The following CPNE4 variants were observed in gnomAD, a reference collection of about 807,000 sequenced individuals.
The protein encoded by CPNE4 is copine 4.
A neutral mutation model predicts 67.9 loss-of-function variants in CPNE4; 25 were observed. The observed-to-expected ratio is 0.37, with a 90% CI of 0.27 to 0.51. CPNE4 has a LOEUF of 0.51. Ranked by LOEUF, CPNE4 falls within the 20% of genes least tolerant of loss-of-function variation. The pLI, the probability that CPNE4 is intolerant of heterozygous loss-of-function variation, is 0.93. For missense variants in CPNE4, 464 were observed against 690.8 expected, an observed-to-expected ratio of 0.67 and a Z score of 3.68; for synonymous variants, 242 against 244.9, an observed-to-expected ratio of 0.99 and a Z score of 0.11.
At chr3:131,702,977 T>A (rs1164214769) in intron 3 of CPNE4, among the ~76,000 whole-genome samples, 1 of 152,172 alleles carries the variant, frequency 6.6e-6, no homozygotes, top group African/African-American at 2.4e-5. Flanking sequence ...TGAGTAATAA[T>A]CAGGGTTTTG....
intron 2 of CPNE4, among the ~76,000 whole-genome samples, chr3:131,871,861 C>T (rs1373290287): frequency 6.6e-6 from 1 of 152,200 alleles, no homozygotes; most frequent in Admixed American, 6.5e-5. Flanking sequence ...TCCTCCTGGG[C>T]ATTCAGAATC....
At chr3:131,584,454 G>A (rs540794212) in intron 8 of CPNE4, among the ~76,000 whole-genome samples, 1 of 152,040 alleles carries the variant, frequency 6.6e-6, no homozygotes, top group East Asian at 1.9e-4. Context: ...CTATATCCAA[G>A]CCTTCAACAA....
chr3:131,576,393 G>A (rs1937548143), intron 9 of CPNE4, among the ~76,000 whole-genome samples: 1 of 152,066 alleles, frequency 6.6e-6, no homozygotes, highest in Non-Finnish European at 1.5e-5. Flanking sequence ...AACTCTAAGA[G>A]CAACTCATGG....
In CPNE4 at chr3:131,571,364, A is replaced by G. The variant is rs149317913; in HGVS notation, c.927+3707T>C. 5.8e-3 allele frequency among the ~76,000 whole-genome samples: 880 copies of G among 152,066 alleles called. 12 individuals carry two copies. Among genetic ancestry groups the G allele is most frequent in the African/African-American group, 0.018 (741 of 41,494 alleles). On this transcript the variant is annotated intron_variant, in intron 10 of 15. Coordinates refer to ENST00000429747, the MANE Select transcript of CPNE4 (RefSeq NM_130808.3). ...CTTGGGACATCTCATCCAAAGCCAC[A>G]TACATGTAGCTCCTGACTCTCCCCT...
intron 14 of CPNE4, among the ~76,000 whole-genome samples, chr3:131,543,796 C>T (rs993309716): frequency 6.6e-6 from 1 of 152,220 alleles, no homozygotes; most frequent in Non-Finnish European, 1.5e-5. Flanking sequence ...GTTGCAGTCT[C>T]TCCCTCTGAA....
At chr3:131,575,362 T>C (rs1937525832) in intron 9 of CPNE4, among the ~76,000 whole-genome samples, 1 of 152,164 alleles carries the variant, frequency 6.6e-6, no homozygotes, top group Non-Finnish European at 1.5e-5. Context: ...TGCTCCCCTC[T>C]ATTATGGTTT....
At chr3:131,886,165 G>C (rs570623273) in intron 2 of CPNE4, among the ~76,000 whole-genome samples, 1 of 152,230 alleles carries the variant, frequency 6.6e-6, no homozygotes. Context: ...AAGCTGAGCC[G>C]TGTGCAGCCT....
intron 1 of CPNE4, among the ~76,000 whole-genome samples, chr3:131,935,087 T>C (rs1308481194): frequency 6.6e-6 from 1 of 152,166 alleles, no homozygotes; most frequent in Non-Finnish European, 1.5e-5. Context: ...TTGGCATTAC[T>C]GAGGGCCCAG....
intron 1 of CPNE4, among the ~76,000 whole-genome samples, chr3:131,964,464 T>C (rs1447463929): frequency 3.9e-5 from 6 of 151,936 alleles, no homozygotes; most frequent in African/African-American, 1.2e-4. Flanking sequence ...CCAAGGAAGC[T>C]AAGAACCTTG....
intron 10 of CPNE4, among the ~76,000 whole-genome samples, chr3:131,568,499 T>C (rs1937173315): frequency 6.6e-6 from 1 of 152,044 alleles, no homozygotes; most frequent in African/African-American, 2.4e-5. Context: ...CACCACGTTT[T>C]CATTTCCTGA....
At chr3:131,939,751 C>A (rs74910984) in intron 1 of CPNE4, among the ~76,000 whole-genome samples, 1,587 of 152,208 alleles carry the variant, frequency 0.01, 27 homozygotes, top group African/African-American at 0.036. Flanking sequence ...TATTTTATCC[C>A]CACAGTTCAT....
intron 1 of CPNE4, among the ~76,000 whole-genome samples, chr3:131,955,418 T>TG (rs2071926371): frequency 8.3e-6 from 1 of 121,146 alleles, no homozygotes; most frequent in African/African-American, 3.4e-5. Context: ...AGGTTTTTTT[T>TG]TTTTTTTTTT....
intron 7 of CPNE4, among the ~76,000 whole-genome samples, chr3:131,669,123 C>T (rs1030409543): frequency 6.6e-6 from 1 of 152,046 alleles, no homozygotes; most frequent in Non-Finnish European, 1.5e-5. Context: ...ATGATGAGAG[C>T]CATATGGCCC....
intron 7 of CPNE4, among the ~76,000 whole-genome samples, chr3:131,603,212 G>A (rs1939305767): frequency 6.6e-6 from 1 of 152,084 alleles, no homozygotes; most frequent in Non-Finnish European, 1.5e-5. Context: ...GTTGGGAAAT[G>A]ATATATGTGC....
chr3:131,632,362 C>G (rs977761805), intron 7 of CPNE4, among the ~76,000 whole-genome samples: 1 of 152,170 alleles, frequency 6.6e-6, no homozygotes. Context: ...TTACCTTCAG[C>G]TTATGAGGGA....
At chr3:131,834,385 A>T (rs2085481291) in intron 2 of CPNE4, among the ~76,000 whole-genome samples, 1 of 152,182 alleles carries the variant, frequency 6.6e-6, no homozygotes, top group African/African-American at 2.4e-5. Flanking sequence ...AGGAGATTCT[A>T]TGTCACCTTT....
At chr3:131,996,482 A>G (rs1046267536) in intron 1 of CPNE4, among the ~76,000 whole-genome samples, 1 of 22,212 alleles carries the variant, frequency 4.5e-5, no homozygotes, top group African/African-American at 4.6e-4. Context: ...AGTAAAATGG[A>G]GAAAATAATA....
intron 2 of CPNE4, among the ~76,000 whole-genome samples, chr3:131,876,238 C>A (rs201986733): frequency 0.03 from 2,568 of 86,094 alleles, 32 homozygotes; most frequent in Non-Finnish European, 0.038. Context: ...GACTCGGTCT[C>A]AAAATAAATA....
At chr3:131,992,032 G>C (rs2073185551) in intron 1 of CPNE4, among the ~76,000 whole-genome samples, 1 of 136,826 alleles carries the variant, frequency 7.3e-6, no homozygotes, top group Non-Finnish European at 1.7e-5. Context: ...CTAGGCAGAA[G>C]TTTCCTGCAG....
Sources: allele counts gnomAD v4.1 joint callset (sites outside exome capture counted in the v4.1 genomes callset), GRCh38; gene constraint gnomAD v4.1.1; transcripts MANE v1.5; gene names NCBI Gene and HGNC (gene_info 2026-07-23, HGNC 2026-07-21).